The following SLC12A1 variants were observed in gnomAD, a reference collection of about 807,000 sequenced individuals.
The protein encoded by SLC12A1 is solute carrier family 12 member 1.
A neutral mutation model predicts 130.4 loss-of-function variants in SLC12A1; 89 were observed. The observed-to-expected ratio is 0.68, with a 90% confidence interval of 0.58 to 0.81. SLC12A1 has a LOEUF of 0.81. Ranked by LOEUF, SLC12A1 falls within the 40% of genes least tolerant of loss-of-function variation. The pLI, the probability that SLC12A1 is intolerant of heterozygous loss-of-function variation, is 0.00. For synonymous variants in SLC12A1, 499 were observed against 460.0 expected (o/e 1.08, Z -1.09); for missense variants, 1,310 against 1,336.4 (o/e 0.98, Z 0.31).
chr15:48,301,887 A>G (rs1381305940), intron 26 of SLC12A1, among the ~76,000 whole-genome samples: 2 of 152,308 alleles, frequency 1.3e-5, no homozygotes, highest in Admixed American at 1.3e-4. Flanking sequence ...CGTCTACTGA[A>G]AATGTATGTT....
At position 48,249,502 on chromosome 15, in the gene SLC12A1, C is replaced by T. The variant is rs1198281001; in HGVS notation, c.1685-73C>T. On this transcript the variant is annotated intron_variant, in intron 13 of 26. Coordinates refer to ENST00000380993, the MANE Select transcript of SLC12A1 (RefSeq NM_000338.3). ...TCAATTTCCAAATAAATTCAAGCTT[C>T]GAGGCTATAACAGCTGTTCAGCCCC... The T allele has an allele frequency of 5.4e-6, 6 of 1,109,748 alleles. No individual in the cohort carries two copies. In the African/African-American group the frequency reaches 6.2e-5, roughly 11 times the overall value. The allele number at this position is 1,109,748 out of a possible 1,614,324, so 68.7% of individuals were successfully genotyped here.
At chr15:48,240,829 C>A (rs1299135415) in intron 9 of SLC12A1, among the ~76,000 whole-genome samples, 1 of 152,008 alleles carries the variant, frequency 6.6e-6, no homozygotes, top group Admixed American at 6.6e-5. Context: ...GATTTATCCC[C>A]CCCAATAGGA....
At chr15:48,271,963 C>T (rs8039702) in intron 19 of SLC12A1, among the ~76,000 whole-genome samples, 37,415 of 152,074 alleles carry the variant, frequency 0.25, 6,023 homozygotes, top group African/African-American at 0.44. Context: ...TAGGAAGTAA[C>T]GTGTAAATCT....
intron 24 of SLC12A1, among the ~76,000 whole-genome samples, chr15:48,297,860 A>G (rs1163165054): frequency 3.3e-5 from 5 of 152,208 alleles, no homozygotes; most frequent in African/African-American, 1.2e-4. Flanking sequence ...CAAAGCCAGC[A>G]CCTTTCCATA....
chr15:48,244,796 C>T lies in SLC12A1; in HGVS notation c.1344C>T (p.Thr448=). 1 of 1,613,852 alleles carries T rather than the reference C, an allele frequency of 6.2e-7. No individual in the cohort carries two copies. ...VRDATGNMND[T]IISGMNCNGS... Reference sequence around the variant, plus strand: ...ATGCCACCGGGAACATGAATGACACCATCATTTCTGGGATGAACTGCAATG... The same window carrying T: ...ATGCCACCGGGAACATGAATGACACTATCATTTCTGGGATGAACTGCAATG... Residue 448 remains threonine, a synonymous_variant, in exon 11 of 27, where the codon ACC becomes ACT. Coordinates refer to ENST00000380993, the MANE Select transcript of SLC12A1 (RefSeq NM_000338.3).
chr15:48,232,258 C>G (rs1484549), intron 7 of SLC12A1, among the ~76,000 whole-genome samples: 1 of 152,320 alleles, frequency 6.6e-6, no homozygotes, highest in East Asian at 1.9e-4. Flanking sequence ...GAGCACACAG[C>G]GGCAGCCTGA....
chr15:48,264,066 TTC>T (rs2041804910), intron 17 of SLC12A1, among the ~76,000 whole-genome samples: 1 of 152,212 alleles, frequency 6.6e-6, no homozygotes, highest in African/African-American at 2.4e-5. Context: ...AGACCCCTGG[TTC>T]TCTCTGTTCC....
chr15:48,269,052 T>C (rs2141089490), intron 18 of SLC12A1, among the ~76,000 whole-genome samples: 1 of 152,260 alleles, frequency 6.6e-6, no homozygotes, highest in East Asian at 1.9e-4. Flanking sequence ...AATTCATAGG[T>C]GCTTAGTAAT....
chr15:48,237,737 G>A (rs893905813), intron 9 of SLC12A1, among the ~76,000 whole-genome samples: 7 of 152,100 alleles, frequency 4.6e-5, no homozygotes, highest in Non-Finnish European at 8.8e-5. Flanking sequence ...TTTAACTACA[G>A]ACAATAGAGT....
intron 23 of SLC12A1, among the ~76,000 whole-genome samples, chr15:48,290,468 T>G (rs534867447): frequency 6.6e-6 from 1 of 152,360 alleles, no homozygotes; most frequent in South Asian, 2.1e-4. Context: ...TCAAGTATTA[T>G]GTACTGTACG....
chr15:48,221,131 T>C (rs2041209081), intron 4 of SLC12A1, 135 bp downstream of exon 4: 4 of 858,682 alleles, frequency 4.7e-6, no homozygotes, highest in Non-Finnish European at 7.5e-6. Context: ...TTTACTTTGC[T>C]TCTTTGACGA....
intron 19 of SLC12A1, among the ~76,000 whole-genome samples, chr15:48,270,713 G>A (rs925668510): frequency 3.7e-3 from 265 of 71,764 alleles, no homozygotes; most frequent in Middle Eastern, 0.024. Flanking sequence ...ACACAATTGT[G>A]GAGTATATAA....
rs766551911 is a variant in SLC12A1, at chr15:48,232,724, C to T, written c.976-3C>T. 1.3e-6 allele frequency: 2 copies of T among 1,579,708 alleles called. No homozygotes were observed. Among genetic ancestry groups the T allele is most frequent in the Admixed American group, 3.3e-5 (2 of 59,954 alleles). ...TTGGTTTCCTTTTACCTTTCCATTC[C>T]AGGCCCAAGTCATTCTTCTGGTCAT... On this transcript the variant is annotated splice_region_variant and splice_polypyrimidine_tract_variant and intron_variant, in intron 7 of 26. Transcript: ENST00000380993.
intron 4 of SLC12A1, chr15:48,224,684 A>G (rs2041261269): frequency 6.6e-6 from 1 of 152,142 alleles, no homozygotes; most frequent in South Asian, 2.1e-4. Flanking sequence ...TTTCTGGTAG[A>G]GAGGGGAGGG....
At chr15:48,206,494 G>C (rs1161039390) in intron 1 of SLC12A1, among the ~76,000 whole-genome samples, 164 bp downstream of exon 1, 1 of 152,192 alleles carries the variant, frequency 6.6e-6, no homozygotes, top group Non-Finnish European at 1.5e-5. Flanking sequence ...AAGGTTACTT[G>C]AGAAATGAAG....
chr15:48,230,149 AACTT>A (rs1378709833), intron 6 of SLC12A1, among the ~76,000 whole-genome samples: 1 of 152,200 alleles, frequency 6.6e-6, no homozygotes, highest in Non-Finnish European at 1.5e-5. Context: ...ATACTACAAC[AACTT>A]CAAAAGCTAG....
intron 2 of SLC12A1, among the ~76,000 whole-genome samples, chr15:48,210,565 C>T (rs2041039753): frequency 2.6e-5 from 4 of 151,818 alleles, no homozygotes; most frequent in Non-Finnish European, 5.9e-5. Context: ...TTTAGAAAGC[C>T]ATCTAAAGCC....
At chr15:48,282,491 A>C (rs2042018186) in intron 20 of SLC12A1, among the ~76,000 whole-genome samples, 1 of 151,454 alleles carries the variant, frequency 6.6e-6, no homozygotes, top group South Asian at 2.1e-4. Context: ...GAGCCTGCCC[A>C]AAAAAAAAGA....
In SLC12A1 at chr15:48,241,552, C is replaced by T; in HGVS notation, c.1253C>T (p.Ala418Val). Residue 418 changes from alanine to valine, a missense_variant, in exon 10 of 27, where the codon GCC becomes GTC. Physicochemically the swap from Ala to Val is moderately conservative, Grantham distance 64. Transcript: ENST00000380993. ...GCCATCCCCAGAGGAACCATGCTGG[C>T]CATTTTCATCACCACTGTTGCCTAC... The part of the protein sequence containing the change: ...QDAIPRGTML[A>V]IFITTVAYLG... 6.2e-7 allele frequency: 1 copy of T among 1,613,766 alleles called. No individual in the cohort carries two copies. Among genetic ancestry groups the T allele is most frequent in the African/African-American group, 1.3e-5 (1 of 75,012 alleles).
Sources: gnomAD v4.1 joint callset for allele counts (sites outside exome capture counted in the v4.1 genomes callset) on GRCh38, gnomAD v4.1.1 for gene constraint, MANE v1.5 for transcripts, NCBI Gene and HGNC (gene_info 2026-07-23, HGNC 2026-07-21) for gene names.